DSCAM: variants seen among roughly 807,000 people sequenced by gnomAD.
DSCAM encodes the protein cell adhesion molecule DSCAM.
Under a neutral mutation model 217.7 loss-of-function variants are expected in DSCAM, and 47 were observed. The observed-to-expected ratio is 0.22, with a 90% CI of 0.17 to 0.28. DSCAM has a LOEUF of 0.28. DSCAM is among the 10% of genes least tolerant of loss of function. DSCAM has a pLI of 1.00. For missense variants in DSCAM, 2,080 were observed against 2,618.3 expected, an observed-to-expected ratio of 0.79 and a Z score of 4.49; for synonymous variants, 1,056 against 1,015.3, an observed-to-expected ratio of 1.04 and a Z score of -0.76.
chr21:40,136,049 G>A (rs189250589), intron 18 of DSCAM, among the ~76,000 whole-genome samples: 3 of 152,340 alleles, frequency 2.0e-5, no homozygotes, highest in Admixed American at 6.5e-5. Flanking sequence ...AGCAGGGCGA[G>A]GATGGCCCAA....
At chr21:40,103,287 CT>C (rs35265859) in intron 20 of DSCAM, among the ~76,000 whole-genome samples, 20,718 of 151,792 alleles carry the variant, frequency 0.14, 1,797 homozygotes, top group East Asian at 0.21. Context: ...ATTAAAAAAA[CT>C]TGAAGGCTGT....
chr21:40,828,723 T>C (rs1170965532), intron 1 of DSCAM, among the ~76,000 whole-genome samples: 1 of 148,544 alleles, frequency 6.7e-6, no homozygotes, highest in Non-Finnish European at 1.5e-5. Flanking sequence ...TGGCACAATC[T>C]CAGCTCACTG....
At chr21:40,773,706 G>T (rs2091465392) in intron 1 of DSCAM, among the ~76,000 whole-genome samples, 1 of 152,198 alleles carries the variant, frequency 6.6e-6, no homozygotes, top group South Asian at 2.1e-4. Flanking sequence ...TGATGCCATA[G>T]AAAGGCATTT....
chr21:40,833,674 A>G (rs980670890), intron 1 of DSCAM, among the ~76,000 whole-genome samples: 2 of 152,214 alleles, frequency 1.3e-5, no homozygotes, highest in African/African-American at 4.8e-5. Context: ...AATCAATGAC[A>G]AGCATCACCA....
In DSCAM at chr21:40,044,128, G is replaced by C; in HGVS notation, c.5333C>G (p.Ser1778Ter). 1 of 1,614,124 alleles carries C rather than the reference G, an allele frequency of 6.2e-7. No individual in the cohort carries two copies. Among genetic ancestry groups the C allele is most frequent in the Non-Finnish European group, 8.5e-7 (1 of 1,180,030 alleles). The change falls in exon 31 of 33, where the codon TCA (serine) becomes TGA (stop). Residue 1778 changes from serine (S) to a stop codon, truncating the protein, a stop_gained. Transcript: ENST00000400454. LOFTEE classifies it high-confidence loss of function. ...GTAACTGTCGCTCTCTTTGTCTACT[G>C]ATCCTGCAGCCCTGGGTGTTGGCAG... The part of the protein sequence containing the change: ...WRLPTPRAAG[S>*]VDKESDSYSV...
chr21:40,040,921 C>CAACA (rs1415322437), intron 32 of DSCAM, among the ~76,000 whole-genome samples: 1 of 118,812 alleles, frequency 8.4e-6, no homozygotes, highest in African/African-American at 3.6e-5. Context: ...TAAATGCCAA[C>CAACA]AACACGAAAA....
At position 40,051,991 on chromosome 21, in the gene DSCAM, A is replaced by C. The variant is rs1371526483; in HGVS notation, c.5152T>G (p.Leu1718Val). Residue 1718 changes from leucine (L) to valine (V), a missense_variant, in exon 30 of 33, where the codon TTA becomes GTA. By Grantham distance (32) the Leu-to-Val change is conservative (BLOSUM62 1). Transcript: ENST00000400454. ...YQSVSQATGPLVDVSDARPGT... is the reference protein window; with the variant it reads ...YQSVSQATGPVVDVSDARPGT... Reference sequence around the variant, plus strand: ...GGCCGAGCGTCTGAAACATCCACTAAGGGCCCAGTGGCCTGAGACACCGAT... The same window carrying C: ...GGCCGAGCGTCTGAAACATCCACTACGGGCCCAGTGGCCTGAGACACCGAT... 1 of 1,613,294 alleles carries C rather than the reference A, an allele frequency of 6.2e-7. No homozygotes were observed. The highest frequency in any genetic ancestry group is 8.5e-7 in the Non-Finnish European group (1 of 1,179,714).
At chr21:40,727,685 T>G (rs533098579) in intron 1 of DSCAM, among the ~76,000 whole-genome samples, 1 of 152,272 alleles carries the variant, frequency 6.6e-6, no homozygotes, top group South Asian at 2.1e-4. Context: ...GCTTCTACCC[T>G]GGTCCCCTAC....
chr21:40,698,511 C>T (rs531605677), intron 2 of DSCAM, among the ~76,000 whole-genome samples: 1 of 152,146 alleles, frequency 6.6e-6, no homozygotes, highest in Non-Finnish European at 1.5e-5. Flanking sequence ...GCTTGCTAGG[C>T]AATAAATTAC....
intron 3 of DSCAM, among the ~76,000 whole-genome samples, chr21:40,576,994 A>G (rs1414947758): frequency 6.7e-6 from 1 of 148,856 alleles, no homozygotes; most frequent in African/African-American, 2.6e-5. Flanking sequence ...TATAATAACA[A>G]TAAAATAAAA....
intron 3 of DSCAM, among the ~76,000 whole-genome samples, chr21:40,596,224 G>A (rs1041704372): frequency 2.0e-5 from 3 of 152,120 alleles, no homozygotes; most frequent in Non-Finnish European, 2.9e-5. Context: ...AGATGTTTTA[G>A]AAAAACACTA....
intron 8 of DSCAM, among the ~76,000 whole-genome samples, chr21:40,326,971 A>G (rs2074324532): frequency 6.7e-6 from 1 of 150,346 alleles, no homozygotes. Flanking sequence ...CTTTATATTT[A>G]AAATATAATG....
intron 4 of DSCAM, among the ~76,000 whole-genome samples, chr21:40,368,755 G>A (rs963049577): frequency 6.6e-6 from 1 of 152,172 alleles, no homozygotes; most frequent in African/African-American, 2.4e-5. Context: ...GGCAAAGGTT[G>A]GGTATTTTGT....
intron 17 of DSCAM, among the ~76,000 whole-genome samples, chr21:40,143,769 A>C (rs761419822): frequency 6.6e-6 from 1 of 152,144 alleles, no homozygotes; most frequent in Non-Finnish European, 1.5e-5. Context: ...CCAGCCTGGG[A>C]GAGAGAGCCG....
intron 3 of DSCAM, among the ~76,000 whole-genome samples, chr21:40,458,214 T>G (rs1342180153): frequency 6.6e-6 from 1 of 152,176 alleles, no homozygotes; most frequent in Non-Finnish European, 1.5e-5. Context: ...TTGACCTTCC[T>G]TCCCAGCAAC....
intron 3 of DSCAM, among the ~76,000 whole-genome samples, chr21:40,486,593 A>G (rs1338342546): frequency 1.3e-5 from 2 of 152,126 alleles, no homozygotes; most frequent in Non-Finnish European, 1.5e-5. Flanking sequence ...GTTGTAGCAT[A>G]AAAGGGCCCA....
chr21:40,264,638 T>C (rs1211426812), intron 11 of DSCAM, among the ~76,000 whole-genome samples: 2 of 152,124 alleles, frequency 1.3e-5, no homozygotes, highest in South Asian at 2.1e-4. Flanking sequence ...AGCATTCAAC[T>C]GAAGCAAGAC....
chr21:40,442,649 A>G (rs1431106554), intron 3 of DSCAM, among the ~76,000 whole-genome samples: 1 of 150,966 alleles, frequency 6.6e-6, no homozygotes, highest in African/African-American at 2.4e-5. Flanking sequence ...CCTCCTGAAT[A>G]GCTGGGAGCA....
chr21:40,312,322 G>T lies in DSCAM; in HGVS notation c.1821C>A (p.Phe607Leu), dbSNP rs1289718131. The change falls in exon 9 of 33, where the codon TTC (phenylalanine) becomes TTA (leucine). Residue 607 changes from phenylalanine (F) to leucine (L), a missense_variant. This residue lies in a region of DSCAM where 218 missense variants were observed against 364.1 expected (regional missense o/e 0.60). Coordinates refer to ENST00000400454, the MANE Select transcript of DSCAM (RefSeq NM_001389.5). ...GGATGAAGACCCGCTGCCCAATGGA[G>T]AATCTTGGAAACTCAAAGGGTTGTA... The part of the protein sequence containing the change: ...PFIQPFEFPR[F>L]SIGQRVFIPC... 6.2e-7 allele frequency: 1 copy of T among 1,614,016 alleles called. No individual in the cohort carries two copies.
Sources: gnomAD v4.1 joint callset for allele counts (sites outside exome capture counted in the v4.1 genomes callset) on GRCh38, gnomAD v4.1.1 for gene constraint, gnomAD v4.1.1 regional missense constraint, MANE v1.5 for transcripts, NCBI Gene and HGNC (gene_info 2026-07-23, HGNC 2026-07-21) for gene names.